Variants in PPP4R3B observed in about 807,000 individuals in gnomAD.
The protein encoded by PPP4R3B is protein phosphatase 4 regulatory subunit 3B.
Under a neutral mutation model 95.4 loss-of-function variants are expected in PPP4R3B, and 52 were observed. The ratio of observed to expected loss-of-function variants is 0.54; its 90% CI spans 0.44 to 0.69. The LOEUF (loss-of-function observed/expected upper bound fraction) is 0.69, where lower values mean the gene tolerates loss of function less well. Ranked by LOEUF, PPP4R3B falls within the 30% of genes least tolerant of loss-of-function variation. The pLI is 0.00. For synonymous variants in PPP4R3B, 407 were observed against 343.9 expected (o/e 1.18, Z -2.03); for missense variants, 1,003 against 1,005.9 (o/e 1.00, Z 0.04).
At chr2:55,605,166 C>A (rs914328545) in intron 2 of PPP4R3B, among the ~76,000 whole-genome samples, 2 of 152,100 alleles carry the variant, frequency 1.3e-5, no homozygotes, top group Non-Finnish European at 2.9e-5. Flanking sequence ...ACTAAAAACA[C>A]TATGCAATAC....
At chr2:55,557,668 A>G (rs1328365798) in intron 16 of PPP4R3B, among the ~76,000 whole-genome samples, 3 of 152,202 alleles carry the variant, frequency 2.0e-5, no homozygotes, top group Admixed American at 1.3e-4. Flanking sequence ...TGTAAAATAA[A>G]CTCAGACTTA....
chr2:55,564,265 T>A, intron 15 of PPP4R3B, 48 bp downstream of exon 15: 1 of 1,452,418 alleles, frequency 6.9e-7, no homozygotes, highest in Non-Finnish European at 9.2e-7. Context: ...AAATAATTTC[T>A]GCACTAAATA....
At chr2:55,608,121 C>CA (rs1294226654) in intron 2 of PPP4R3B, among the ~76,000 whole-genome samples, 1 of 152,216 alleles carries the variant, frequency 6.6e-6, no homozygotes, top group Admixed American at 6.5e-5. Flanking sequence ...TCTCCTGCCT[C>CA]AGCCTCCTGA....
At chr2:55,581,771 C>T (rs1357767835) in intron 7 of PPP4R3B, 73 bp from the exon 8 acceptor site, 4 of 1,491,420 alleles carry the variant, frequency 2.7e-6, no homozygotes, top group Non-Finnish European at 3.6e-6. Context: ...AAAACACCAA[C>T]TGAAAGAGCA....
Position 55,598,642 on chromosome 2 carries a change from A to G in PPP4R3B, c.695T>C (p.Leu232Ser). The change falls in exon 4 of 17, where the codon TTG (leucine) becomes TCG (serine). Residue 232 changes from leucine (L) to serine (S), a missense_variant. Transcript: ENST00000616407. The part of the protein sequence containing the change: ...VVGCLEYDPA[L>S]AQPKRHREFL... ...TTCTCTATGTCTTTTTGGCTGAGCCAAAGCAGGGTCATATTCAAGGCATCC... is the reference window on the plus strand; with the variant it reads ...TTCTCTATGTCTTTTTGGCTGAGCCGAAGCAGGGTCATATTCAAGGCATCC... The G allele has an allele frequency of 6.2e-7, 1 of 1,614,202 alleles. No homozygotes were observed. Among genetic ancestry groups the G allele is most frequent in the South Asian group, 1.1e-5 (1 of 91,080 alleles).
intron 4 of PPP4R3B, chr2:55,591,471 T>C: frequency 1.1e-6 from 1 of 950,696 alleles, no homozygotes; most frequent in Non-Finnish European, 1.3e-6. Context: ...TTAGTCTTAA[T>C]ATTTTAGGTT....
intron 2 of PPP4R3B, among the ~76,000 whole-genome samples, chr2:55,606,626 A>G (rs1693437003): frequency 6.6e-6 from 1 of 152,074 alleles, no homozygotes; most frequent in South Asian, 2.1e-4. Context: ...GTTTGAGACC[A>G]GTATGGCCAA....
At position 55,617,276 on chromosome 2, in the gene PPP4R3B, T is replaced by C. The variant is rs1219841166; in HGVS notation, c.10A>G (p.Thr4Ala). MSDTRRRVKVYTLN... is the reference protein window; with the variant it reads MSDARRRVKVYTLN... Reference sequence around the variant, plus strand: ...GTATAGACCTTCACTCGCCGCCGCGTATCCGACATGGTGGCTGCTGTCTCC... The same window carrying C: ...GTATAGACCTTCACTCGCCGCCGCGCATCCGACATGGTGGCTGCTGTCTCC... The change falls in exon 1 of 17, where the codon ACG (threonine) becomes GCG (alanine). Residue 4 changes from threonine to alanine, a missense_variant. Thr to Ala is a moderately conservative substitution (Grantham distance 58). Coordinates refer to ENST00000616407, the MANE Select transcript of PPP4R3B (RefSeq NM_001122964.3). 2 of 1,595,142 alleles carry C rather than the reference T, an allele frequency of 1.3e-6. No homozygotes were observed. Among genetic ancestry groups the C allele is most frequent in the Non-Finnish European group, 1.7e-6 (2 of 1,169,054 alleles).
In PPP4R3B at chr2:55,603,927, A is replaced by T. The variant is rs185112041; in HGVS notation, c.297+51T>A. 44 of 1,358,154 alleles carry T rather than the reference A, an allele frequency of 3.2e-5. No homozygotes were observed. In the African/African-American group the frequency reaches 5.5e-4, roughly 17 times the overall value. The allele number at this position is 1,358,154 out of a possible 1,614,324, so 84.1% of individuals were successfully genotyped here. On this transcript the variant is annotated intron_variant, in intron 3 of 16. Transcript: ENST00000616407. ...TGTTTGAAGTAAAAAGGAAACAAAA[A>T]TTCCAGAAAAGAAGCAAACATTAAG... is the stretch of plus-strand genomic sequence containing the variant.
intron 8 of PPP4R3B, among the ~76,000 whole-genome samples, chr2:55,581,127 T>C (rs917494331): frequency 6.6e-6 from 1 of 151,866 alleles, no homozygotes; most frequent in African/African-American, 2.4e-5. Flanking sequence ...GTGGTGTGCG[T>C]CTGTAGTCCC....
intron 16 of PPP4R3B, among the ~76,000 whole-genome samples, chr2:55,552,361 C>T (rs1048331423): frequency 6.6e-6 from 1 of 152,020 alleles, no homozygotes; most frequent in Non-Finnish European, 1.5e-5. Flanking sequence ...CATAAAGTTC[C>T]ATTTCATTGT....
chr2:55,562,009 A>G (rs1368164575), intron 15 of PPP4R3B, among the ~76,000 whole-genome samples: 3 of 152,182 alleles, frequency 2.0e-5, no homozygotes, highest in Non-Finnish European at 2.9e-5. Flanking sequence ...TCCCCACCCA[A>G]ATCTCATTGT....
Position 55,617,178 on chromosome 2 carries a change from C to G in PPP4R3B, c.108G>C (p.Lys36Asn), listed in dbSNP as rs754016366. ...CTGCCCGAACCAGCAGCGACATCCCCTTGAGCTCCTCCACGTAAGTGGAGG... is the reference window on the plus strand; with the variant it reads ...CTGCCCGAACCAGCAGCGACATCCCGTTGAGCTCCTCCACGTAAGTGGAGG... ...HVSSTYVEEL[K>N]GMSLLVRAES... The change falls in exon 1 of 17, where the codon AAG becomes AAC. Residue 36 changes from lysine (K) to asparagine (N), a missense_variant. Around this residue, in one of 3 missense-constraint regions of PPP4R3B, gnomAD observed 695 missense variants for 686.2 expected, o/e 1.01. Coordinates refer to ENST00000616407, the MANE Select transcript of PPP4R3B (RefSeq NM_001122964.3). The G allele has an allele frequency of 6.2e-7, 1 of 1,613,662 alleles. No individual in the cohort carries two copies. Among genetic ancestry groups the G allele is most frequent in the African/African-American group, 1.3e-5 (1 of 74,898 alleles).
chr2:55,601,203 T>A (rs546845826), intron 3 of PPP4R3B, among the ~76,000 whole-genome samples: 2 of 150,312 alleles, frequency 1.3e-5, no homozygotes, highest in South Asian at 4.2e-4. Flanking sequence ...AGGGATGACA[T>A]TGTCTCTTAG....
chr2:55,607,628 T>G (rs907787161), intron 2 of PPP4R3B, among the ~76,000 whole-genome samples: 1 of 152,234 alleles, frequency 6.6e-6, no homozygotes, highest in Non-Finnish European at 1.5e-5. Flanking sequence ...ATCTGGGAGC[T>G]CTCCAAACCC....
chr2:55,597,788 C>T (rs986707121), intron 4 of PPP4R3B, among the ~76,000 whole-genome samples: 6 of 151,998 alleles, frequency 3.9e-5, no homozygotes, highest in Non-Finnish European at 1.5e-5. Flanking sequence ...GCAACAAGAG[C>T]AAAACTCCAT....
Position 55,598,524 on chromosome 2 carries a change from G to A in PPP4R3B, c.813C>T (p.Tyr271=). ...QKIHQTYRVQ[Y]IQDIILPTPS... ...GTGTGGGCAAAATGATGTCCTGAAT[G>A]TACTGTACCCTGTAAGTCTGATGTA... Residue 271 remains tyrosine (Y), a synonymous_variant, in exon 4 of 17, where the codon TAC becomes TAT. Transcript: ENST00000616407. The A allele has an allele frequency of 6.2e-7, 1 of 1,614,134 alleles. No individual in the cohort carries two copies. Among genetic ancestry groups the A allele is most frequent in the South Asian group, 1.1e-5 (1 of 91,086 alleles).
chr2:55,572,062 T>G (rs915967744), intron 12 of PPP4R3B, among the ~76,000 whole-genome samples: 10 of 152,244 alleles, frequency 6.6e-5, no homozygotes, highest in Non-Finnish European at 1.3e-4. Flanking sequence ...ATAAAGGTGC[T>G]GATACTGTTG....
At chr2:55,564,576 A>C in intron 14 of PPP4R3B, 79 bp from the exon 15 acceptor site, 3 of 1,231,858 alleles carry the variant, frequency 2.4e-6, no homozygotes, top group Non-Finnish European at 3.3e-6. Context: ...AATATGTATA[A>C]CCAAGATGAA....
Sources: allele counts gnomAD v4.1 joint callset (sites outside exome capture counted in the v4.1 genomes callset), GRCh38; gene constraint gnomAD v4.1.1; regional missense constraint gnomAD v4.1.1; transcripts MANE v1.5; gene names NCBI Gene and HGNC (gene_info 2026-07-23, HGNC 2026-07-21).